The following MACROD2 variants were observed in gnomAD, a reference collection of about 807,000 sequenced individuals.
MACROD2 encodes the protein mono-ADP ribosylhydrolase 2, also known as ADP-ribose glycohydrolase MACROD2.
MACROD2 carries 36 observed loss-of-function variants against 70.4 expected under a neutral mutation model. The observed-to-expected ratio is 0.51, with a 90% CI of 0.39 to 0.68. The LOEUF (loss-of-function observed/expected upper bound fraction) is 0.68. Ranked by LOEUF, MACROD2 falls within the 30% of genes least tolerant of loss-of-function variation. MACROD2 has a pLI of 0.00. For missense variants in MACROD2, 496 were observed against 538.4 expected, an observed-to-expected ratio of 0.92 and a Z score of 0.78; for synonymous variants, 172 against 178.8, an observed-to-expected ratio of 0.96 and a Z score of 0.30.
chr20:15,260,311 A>T lies in MACROD2; in HGVS notation c.540+30250A>T, dbSNP rs529783668. 6.7e-5 allele frequency among the ~76,000 whole-genome samples: 10 copies of T among 150,194 alleles called. No individual in the cohort carries two copies. The East Asian group carries it at 1.9e-3, about 29-fold the overall frequency. On this transcript the variant is annotated intron_variant, in intron 6 of 17. Coordinates refer to ENST00000684519, the MANE Select transcript of MACROD2 (RefSeq NM_001351661.2). ...CCACTTCCTTTCATAGCTTCTGGTA[A>T]CCATCATTTTACTTTCTATCTCCAT...
chr20:15,010,566 TCAACA>T (rs1338370844), intron 5 of MACROD2, among the ~76,000 whole-genome samples: 1 of 152,220 alleles, frequency 6.6e-6, no homozygotes, highest in African/African-American at 2.4e-5. Flanking sequence ...TCTACTTGTG[TCAACA>T]CAAGATTTGA....
intron 5 of MACROD2, among the ~76,000 whole-genome samples, chr20:14,823,091 GA>G (rs1269301556): frequency 1.3e-5 from 2 of 152,024 alleles, no homozygotes; most frequent in African/African-American, 2.4e-5. Flanking sequence ...ATAGAGGCAT[GA>G]TTCTATGATT....
At chr20:15,493,690 A>G (rs2047259495) in intron 7 of MACROD2, among the ~76,000 whole-genome samples, 1 of 152,216 alleles carries the variant, frequency 6.6e-6, no homozygotes, top group South Asian at 2.1e-4. Flanking sequence ...TAAAAAGTAA[A>G]TAGAGAGGAA....
At chr20:14,307,185 C>T (rs563047296) in intron 3 of MACROD2, among the ~76,000 whole-genome samples, 1 of 152,132 alleles carries the variant, frequency 6.6e-6, no homozygotes, top group East Asian at 1.9e-4. Flanking sequence ...ATGAGATGGC[C>T]TCCATATTAA....
At chr20:14,204,638 T>A (rs2081508299) in intron 3 of MACROD2, among the ~76,000 whole-genome samples, 1 of 152,194 alleles carries the variant, frequency 6.6e-6, no homozygotes, top group South Asian at 2.1e-4. Flanking sequence ...CCTTTCCTCA[T>A]AGTGGAAAGC....
intron 5 of MACROD2, among the ~76,000 whole-genome samples, chr20:15,071,411 A>G (rs927015189): frequency 2.6e-5 from 4 of 152,228 alleles, no homozygotes; most frequent in Non-Finnish European, 4.4e-5. Context: ...GATAGGAACT[A>G]TGTCAGATTC....
At chr20:14,635,186 C>A (rs1984722212) in intron 4 of MACROD2, among the ~76,000 whole-genome samples, 1 of 152,170 alleles carries the variant, frequency 6.6e-6, no homozygotes. Flanking sequence ...TGAATTATTT[C>A]CGTTTTCCTC....
intron 5 of MACROD2, among the ~76,000 whole-genome samples, chr20:14,761,703 A>G (rs1255072330): frequency 1.3e-5 from 2 of 152,028 alleles, no homozygotes; most frequent in Non-Finnish European, 2.9e-5. Flanking sequence ...TTTTAAGGCC[A>G]CCAATCTGAA....
At chr20:14,803,868 C>T (rs2072607428) in intron 5 of MACROD2, among the ~76,000 whole-genome samples, 2 of 152,166 alleles carry the variant, frequency 1.3e-5, no homozygotes, top group South Asian at 4.1e-4. Flanking sequence ...AATGAATGGA[C>T]TAAATTAGCT....
intron 6 of MACROD2, among the ~76,000 whole-genome samples, chr20:15,379,685 C>T (rs570435669): frequency 6.6e-6 from 1 of 152,266 alleles, no homozygotes; most frequent in East Asian, 1.9e-4. Flanking sequence ...CTGTCTCCAC[C>T]ATTAGCATCC....
At chr20:14,047,149 GAA>G (rs2053490152) in intron 2 of MACROD2, among the ~76,000 whole-genome samples, 1 of 151,982 alleles carries the variant, frequency 6.6e-6, no homozygotes, top group African/African-American at 2.4e-5. Flanking sequence ...TAAAAACAAA[GAA>G]ATCCATGGAA....
intron 3 of MACROD2, among the ~76,000 whole-genome samples, chr20:14,278,242 GA>G (rs1450825685): frequency 6.6e-6 from 1 of 152,102 alleles, no homozygotes; most frequent in African/African-American, 2.4e-5. Flanking sequence ...TAATTTCATT[GA>G]AGTATTGTTT....
At chr20:14,804,870 TGTGCTTTTGTGTGTGTGTGTGTGA>T (rs2072620126) in intron 5 of MACROD2, among the ~76,000 whole-genome samples, 1 of 150,854 alleles carries the variant, frequency 6.6e-6, no homozygotes, top group African/African-American at 2.5e-5. Context: ...TGTGTGTGTG[TGTGCTTTTGTGTGTGTGTGTGTGA>T]GAGAGAGAGA....
At chr20:15,918,291 A>G (rs2065349990) in intron 10 of MACROD2, among the ~76,000 whole-genome samples, 1 of 152,172 alleles carries the variant, frequency 6.6e-6, no homozygotes, top group South Asian at 2.1e-4. Flanking sequence ...ATTCTTGTAA[A>G]TTATTCTGAT....
chr20:15,070,945 T>C (rs1017405069), intron 5 of MACROD2, among the ~76,000 whole-genome samples: 3 of 151,874 alleles, frequency 2.0e-5, no homozygotes, highest in Admixed American at 1.3e-4. Flanking sequence ...TCTTAAATTA[T>C]TACGAATAGC....
chr20:14,201,366 A>G (rs186814944), intron 3 of MACROD2, among the ~76,000 whole-genome samples: 43 of 152,332 alleles, frequency 2.8e-4, no homozygotes, highest in Middle Eastern at 3.4e-3. Flanking sequence ...GTTTTTATCA[A>G]TAAATTATAG....
chr20:14,338,452 G>A (rs1303063239), intron 3 of MACROD2, among the ~76,000 whole-genome samples: 2 of 151,952 alleles, frequency 1.3e-5, no homozygotes, highest in East Asian at 1.9e-4. Flanking sequence ...TTTTTAAATG[G>A]TATTAAATGG....
chr20:14,577,546 A>G (rs781280666), intron 4 of MACROD2, among the ~76,000 whole-genome samples: 3 of 152,088 alleles, frequency 2.0e-5, no homozygotes, highest in Admixed American at 6.6e-5. Context: ...TGAGGGGCTG[A>G]GGTGGGAGCG....
At chr20:15,512,668 C>G (rs888128584) in intron 8 of MACROD2, among the ~76,000 whole-genome samples, 4 of 152,166 alleles carry the variant, frequency 2.6e-5, no homozygotes, top group African/African-American at 9.6e-5. Flanking sequence ...CCCTGTTGTC[C>G]TTTACTGAAG....
Sources: allele counts gnomAD v4.1 joint callset (sites outside exome capture counted in the v4.1 genomes callset), GRCh38; gene constraint gnomAD v4.1.1; transcripts MANE v1.5; gene names NCBI Gene and HGNC (gene_info 2026-07-23, HGNC 2026-07-21).